Variants in DMD observed in about 807,000 individuals in gnomAD.
The protein encoded by DMD is mutant dystrophin.
A neutral mutation model predicts 330.1 loss-of-function variants in DMD; 63 were observed. The ratio of observed to expected loss-of-function variants is 0.19; its 90% CI spans 0.16 to 0.24. The LOEUF (loss-of-function observed/expected upper bound fraction) is 0.24. Among genes scored for constraint, DMD ranks in the 10% least tolerant of loss-of-function variants. DMD has a pLI of 1.00. For missense variants in DMD, 3,344 were observed against 2,684.1 expected (o/e 1.25, Z -5.43); for synonymous variants, 1,223 against 959.8 (o/e 1.27, Z -5.07).
At chrX:31,310,222 T>C (rs2148169131) in intron 62 of DMD, among the ~76,000 whole-genome samples, 1 of 108,601 alleles carries the variant, frequency 9.2e-6, no homozygotes, top group East Asian at 2.9e-4. Context: ...TATATATATA[T>C]ATATGTGTGT....
At chrX:32,255,552 T>A (rs1235301173) in intron 43 of DMD, among the ~76,000 whole-genome samples, 1 of 112,111 alleles carries the variant, frequency 8.9e-6, no homozygotes, top group African/African-American at 3.2e-5. Flanking sequence ...ACTTCTGTCT[T>A]ACAAAATTGC....
intron 55 of DMD, among the ~76,000 whole-genome samples, chrX:31,549,856 G>C: frequency 8.9e-6 from 1 of 112,275 alleles, no homozygotes; most frequent in African/African-American, 3.2e-5. Flanking sequence ...ATGAATGTTT[G>C]ACAACAAGAT....
intron 2 of DMD, among the ~76,000 whole-genome samples, chrX:32,954,157 T>C (rs754090329): frequency 2.9e-4 from 33 of 112,597 alleles, no homozygotes; most frequent in African/African-American, 1.1e-3. Context: ...AAGACCTTTG[T>C]GGACTCATAA....
At chrX:32,369,675 C>A (rs1212023024) in intron 34 of DMD, among the ~76,000 whole-genome samples, 1 of 111,103 alleles carries the variant, frequency 9.0e-6, no homozygotes, top group Non-Finnish European at 1.9e-5. Context: ...TTTTCCAGTA[C>A]CTTCCACAGA....
chrX:32,056,720 C>T (rs915782498), intron 44 of DMD, among the ~76,000 whole-genome samples: 1 of 111,085 alleles, frequency 9.0e-6, no homozygotes, highest in African/African-American at 3.3e-5. Context: ...ACCAATCCTT[C>T]TCAAATTCTT....
chrX:32,595,977 A>C, intron 12 of DMD, 101 bp from the exon 13 acceptor site: 39 of 773,411 alleles, frequency 5.0e-5, no homozygotes, highest in Non-Finnish European at 6.4e-5. Context: ...GCTACATCTC[A>C]GGTACTCCCA....
At chrX:31,583,833 G>A (rs779830748) in intron 55 of DMD, among the ~76,000 whole-genome samples, 1 of 107,965 alleles carries the variant, frequency 9.3e-6, no homozygotes, top group Admixed American at 9.9e-5. Flanking sequence ...ATGTATACAT[G>A]TGCCATGTTG....
intron 41 of DMD, among the ~76,000 whole-genome samples, chrX:32,317,698 A>G (rs906939786): frequency 4.5e-5 from 5 of 111,442 alleles, no homozygotes; most frequent in African/African-American, 6.5e-5. Flanking sequence ...AATGTGCTAT[A>G]TGACATATGA....
At chrX:32,621,402 A>G (rs1175792946) in intron 11 of DMD, among the ~76,000 whole-genome samples, 3 of 110,811 alleles carry the variant, frequency 2.7e-5, no homozygotes, top group Non-Finnish European at 3.8e-5. Flanking sequence ...GTAATCTTTC[A>G]TGTTCTATCG....
At chrX:31,198,769 C>T (rs946550962) in intron 67 of DMD, among the ~76,000 whole-genome samples, 7 of 111,651 alleles carry the variant, frequency 6.3e-5, no homozygotes, top group African/African-American at 1.6e-4. Context: ...TTGACCAAAA[C>T]GTCATTCTTC....
chrX:32,845,693 T>C (rs1445004349), intron 3 of DMD, among the ~76,000 whole-genome samples: 1 of 111,606 alleles, frequency 9.0e-6, no homozygotes, highest in African/African-American at 3.3e-5. Context: ...ATTTGGGTGA[T>C]TATAGGTAAC....
intron 57 of DMD, among the ~76,000 whole-genome samples, chrX:31,483,843 C>A (rs1053963730): frequency 8.9e-6 from 1 of 111,811 alleles, no homozygotes; most frequent in African/African-American, 3.2e-5. Flanking sequence ...CTATAAATAA[C>A]AATATGTAAT....
intron 55 of DMD, among the ~76,000 whole-genome samples, chrX:31,595,758 G>C (rs1356005843): frequency 5.8e-5 from 6 of 102,947 alleles, no homozygotes; most frequent in African/African-American, 1.8e-4. Context: ...TTTGAAGATT[G>C]CAACTCATCT....
chrX:31,778,315 G>C (rs1036382347), intron 50 of DMD, among the ~76,000 whole-genome samples: 4 of 111,673 alleles, frequency 3.6e-5, no homozygotes, highest in African/African-American at 1.3e-4. Flanking sequence ...CTAGAGGATA[G>C]CTGATAGTAG....
intron 1 of DMD, among the ~76,000 whole-genome samples, chrX:33,185,346 A>T (rs931914961): frequency 1.8e-5 from 2 of 111,187 alleles, no homozygotes; most frequent in Non-Finnish European, 3.8e-5. Context: ...CTTATTAGTT[A>T]TATGGCCTTG....
intron 1 of DMD, among the ~76,000 whole-genome samples, chrX:33,252,614 TG>T (rs201378871): frequency 1.9e-5 from 2 of 107,368 alleles, no homozygotes; most frequent in Admixed American, 2.0e-4. Flanking sequence ...TGGGGTTGAA[TG>T]GGGGGGGTGA....
At chrX:32,009,395 C>A (rs1025050548) in intron 44 of DMD, among the ~76,000 whole-genome samples, 3 of 111,819 alleles carry the variant, frequency 2.7e-5, no homozygotes, top group Admixed American at 1.9e-4. Context: ...GGCAAAGAGG[C>A]AATATGCATT....
intron 42 of DMD, among the ~76,000 whole-genome samples, chrX:32,298,528 T>TATATATATATA (rs1569556403): frequency 9.1e-6 from 1 of 109,971 alleles, no homozygotes; most frequent in African/African-American, 3.4e-5. Flanking sequence ...TATATATATG[T>TATATATATATA]CATGATTCAG....
At chrX:33,305,892 G>A (rs1200525349) in intron 1 of DMD, among the ~76,000 whole-genome samples, 1 of 111,902 alleles carries the variant, frequency 8.9e-6, no homozygotes, top group Non-Finnish European at 1.9e-5. Flanking sequence ...ATGCACAGAG[G>A]AAAAATTACT....
Sources: allele counts gnomAD v4.1 joint callset (sites outside exome capture counted in the v4.1 genomes callset), GRCh38; gene constraint gnomAD v4.1.1; transcripts MANE v1.5; gene names NCBI Gene and HGNC (gene_info 2026-07-23, HGNC 2026-07-21).